AKT3: variants seen among roughly 807,000 people sequenced by gnomAD.
The protein encoded by AKT3 is RAC-gamma serine/threonine-protein kinase.
In AKT3, 15 loss-of-function variants were observed where a neutral mutation model predicts 65.3. The observed-to-expected ratio is 0.23, with a 90% CI of 0.15 to 0.35. The LOEUF (loss-of-function observed/expected upper bound fraction) is 0.35, where lower values mean the gene tolerates loss of function less well. Ranked by LOEUF, AKT3 falls within the 10% of genes least tolerant of loss-of-function variation. The pLI is 1.00. For synonymous variants in AKT3, 206 were observed against 183.8 expected (o/e 1.12, Z -0.98); for missense variants, 243 against 576.5 (o/e 0.42, Z 5.92).
At chr1:243,679,339 C>T (rs1558711799) in intron 3 of AKT3, among the ~76,000 whole-genome samples, 1 of 152,176 alleles carries the variant, frequency 6.6e-6, no homozygotes, top group East Asian at 1.9e-4. Context: ...AACTGTATTT[C>T]ACTTTCTAGT....
At chr1:243,704,599 G>A (rs1205250650) in intron 2 of AKT3, among the ~76,000 whole-genome samples, 3 of 152,180 alleles carry the variant, frequency 2.0e-5, no homozygotes, top group Non-Finnish European at 2.9e-5. Context: ...TTGGTTTGAC[G>A]TCTAACTGTG....
chr1:243,502,087 T>G lies in AKT3; in HGVS notation c.*3162A>C. ...ATAAAGCTACAGGGAGGTAATTCAA[T>G]TACCAATTTAGAGGTTTTCTTTTTA... On this transcript the variant is annotated 3_prime_UTR_variant, in exon 14 of 14. Transcript: ENST00000673466. The G allele has an allele frequency of 4.3e-6, 1 of 232,506 alleles. No individual in the cohort carries two copies. Among genetic ancestry groups the G allele is most frequent in the East Asian group, 6.1e-5 (1 of 16,382 alleles). 14.4% of individuals were successfully genotyped at this position (232,506 alleles called of 1,614,324 possible). A position where few individuals can be genotyped will look rare whatever the true frequency, so the allele number is the denominator to read the frequency against.
chr1:243,816,028 T>C (rs1693498971), intron 2 of AKT3, among the ~76,000 whole-genome samples: 1 of 152,196 alleles, frequency 6.6e-6, no homozygotes. Flanking sequence ...TAGGTGGTTC[T>C]GCACCAGGGT....
intron 6 of AKT3, among the ~76,000 whole-genome samples, chr1:243,626,617 C>G (rs1277044827): frequency 6.6e-6 from 1 of 152,116 alleles, no homozygotes. Flanking sequence ...ATATGCACAC[C>G]TGTAGGTACA....
At chr1:243,598,995 T>C (rs1042415404) in intron 8 of AKT3, among the ~76,000 whole-genome samples, 1 of 152,136 alleles carries the variant, frequency 6.6e-6, no homozygotes, top group African/African-American at 2.4e-5. Flanking sequence ...AAATCTCCTG[T>C]ATAGGAGAAC....
At chr1:243,758,485 G>A (rs1689282415) in intron 2 of AKT3, among the ~76,000 whole-genome samples, 3 of 152,182 alleles carry the variant, frequency 2.0e-5, no homozygotes, top group South Asian at 4.1e-4. Flanking sequence ...GCATGAAGCA[G>A]GAAGTAGCAG....
intron 8 of AKT3, among the ~76,000 whole-genome samples, chr1:243,597,578 G>A (rs1676711185): frequency 6.6e-6 from 1 of 152,188 alleles, no homozygotes; most frequent in South Asian, 2.1e-4. Flanking sequence ...ATGGCTCACT[G>A]CAGCCTCAAC....
At chr1:243,560,679 T>TA (rs1480659549) in intron 10 of AKT3, among the ~76,000 whole-genome samples, 2 of 152,168 alleles carry the variant, frequency 1.3e-5, no homozygotes, top group Non-Finnish European at 2.9e-5. Flanking sequence ...TTCTTGTCTT[T>TA]AAAGAGAAAC....
intron 8 of AKT3, among the ~76,000 whole-genome samples, chr1:243,574,650 T>G (rs1003787205): frequency 1.3e-5 from 2 of 152,132 alleles, no homozygotes; most frequent in African/African-American, 4.8e-5. Context: ...TTTAAAAAAT[T>G]CATTCATTTC....
intron 2 of AKT3, among the ~76,000 whole-genome samples, chr1:243,807,017 TCATCCCA>T (rs1439844552): frequency 6.6e-6 from 1 of 152,110 alleles, no homozygotes; most frequent in Non-Finnish European, 1.5e-5. Flanking sequence ...TTGGGAACAA[TCATCCCA>T]CAGATTTATA....
rs540485651 is a variant in AKT3 at position 243,693,363 on chromosome 1, G to A, written c.172+2228C>T. ...TTTAAAAATGTACTAAAGGGGGCTA[G>A]GGCAAAGGAAAAAGCAATGGTGAAG... On this transcript the variant is annotated intron_variant, in intron 3 of 13. Transcript: ENST00000673466. 1.2e-3 allele frequency among the ~76,000 whole-genome samples: 175 copies of A among 146,098 alleles called. 1 individual carries two copies. The highest frequency in any genetic ancestry group is 4.1e-3 in the African/African-American group (164 of 39,708).
chr1:243,729,760 G>A (rs1687430844), intron 2 of AKT3, among the ~76,000 whole-genome samples: 1 of 152,114 alleles, frequency 6.6e-6, no homozygotes, highest in African/African-American at 2.4e-5. Context: ...AAAGATTAAG[G>A]AGACATAAAA....
intron 2 of AKT3, among the ~76,000 whole-genome samples, chr1:243,752,099 A>AT (rs1313830672): frequency 2.0e-5 from 3 of 152,186 alleles, no homozygotes; most frequent in South Asian, 4.1e-4. Flanking sequence ...CTGTTTTATT[A>AT]TTTAAGAGAT....
At chr1:243,775,374 GT>G (rs1490839652) in intron 2 of AKT3, among the ~76,000 whole-genome samples, 1 of 152,104 alleles carries the variant, frequency 6.6e-6, no homozygotes, top group Non-Finnish European at 1.5e-5. Flanking sequence ...TAGAGATGGG[GT>G]TTTACCTTAT....
At chr1:243,511,897 ACT>A (rs1481150851) in intron 13 of AKT3, among the ~76,000 whole-genome samples, 1 of 152,224 alleles carries the variant, frequency 6.6e-6, no homozygotes, top group African/African-American at 2.4e-5. Flanking sequence ...AAAAGGAGTG[ACT>A]CTACATGAAT....
At chr1:243,838,562 A>G (rs1695040568) in intron 2 of AKT3, among the ~76,000 whole-genome samples, 1 of 152,206 alleles carries the variant, frequency 6.6e-6, no homozygotes. Flanking sequence ...ACACTCAAAA[A>G]TGTAAATTGT....
At chr1:243,686,384 A>G (rs1684293464) in intron 3 of AKT3, among the ~76,000 whole-genome samples, 1 of 151,778 alleles carries the variant, frequency 6.6e-6, no homozygotes, top group Non-Finnish European at 1.5e-5. Context: ...GCATGAAATG[A>G]AACTAGAAAT....
At chr1:243,595,872 A>T (rs1358563022) in intron 8 of AKT3, among the ~76,000 whole-genome samples, 1 of 152,188 alleles carries the variant, frequency 6.6e-6, no homozygotes. Flanking sequence ...TTTAAGAAAC[A>T]ATGAAAAGTA....
intron 9 of AKT3, among the ~76,000 whole-genome samples, chr1:243,568,070 T>C (rs1433146859): frequency 6.6e-6 from 1 of 152,226 alleles, no homozygotes. Context: ...TTTTTAGGAA[T>C]CTTTCTACTG....
Sources: gnomAD v4.1 joint callset for allele counts (sites outside exome capture counted in the v4.1 genomes callset) on GRCh38, gnomAD v4.1.1 for gene constraint, MANE v1.5 for transcripts, NCBI Gene and HGNC (gene_info 2026-07-23, HGNC 2026-07-21) for gene names.